Variants in PLD5 observed in about 807,000 individuals in gnomAD.
PLD5 encodes the protein phospholipase D family member 5.
Under a neutral mutation model 61.1 loss-of-function variants are expected in PLD5, and 36 were observed. That is an observed-to-expected ratio of 0.59 (90% CI 0.45 to 0.78). The LOEUF (loss-of-function observed/expected upper bound fraction) is 0.78, where lower values mean the gene tolerates loss of function less well. Among genes scored for constraint, PLD5 ranks in the 30% least tolerant of loss-of-function variants. PLD5 has a pLI of 0.00. For missense variants in PLD5, 515 were observed against 644.4 expected, an observed-to-expected ratio of 0.80 and a Z score of 2.17; for synonymous variants, 243 against 242.8, an observed-to-expected ratio of 1.00 and a Z score of -0.01.
At chr1:242,401,823 T>C (rs947842439) in intron 1 of PLD5, among the ~76,000 whole-genome samples, 3 of 152,196 alleles carry the variant, frequency 2.0e-5, no homozygotes, top group Non-Finnish European at 4.4e-5. Context: ...ATCCACTCCA[T>C]CCTCCTGCTG....
chr1:242,257,506 G>A (rs1167648460), intron 4 of PLD5, among the ~76,000 whole-genome samples: 1 of 152,176 alleles, frequency 6.6e-6, no homozygotes, highest in Non-Finnish European at 1.5e-5. Context: ...TTCTTTCTGT[G>A]GTTGTGTAAT....
intron 4 of PLD5, among the ~76,000 whole-genome samples, chr1:242,237,972 T>C (rs966842892): frequency 5.3e-5 from 8 of 152,252 alleles, no homozygotes; most frequent in African/African-American, 1.9e-4. Flanking sequence ...GTCTGAACCC[T>C]ACCTAGCTTT....
chr1:242,464,271 CA>C (rs1196880088), intron 1 of PLD5, among the ~76,000 whole-genome samples: 2 of 152,084 alleles, frequency 1.3e-5, no homozygotes, highest in African/African-American at 4.8e-5. Flanking sequence ...AAGTAAGTGC[CA>C]GTGGCTCCTA....
chr1:242,302,900 C>A (rs1355820011), intron 2 of PLD5, among the ~76,000 whole-genome samples: 1 of 152,082 alleles, frequency 6.6e-6, no homozygotes, highest in East Asian at 1.9e-4. Flanking sequence ...ATTTTTACCC[C>A]CTTACACTAT....
chr1:242,172,027 C>T (rs2164421), intron 5 of PLD5, among the ~76,000 whole-genome samples: 18,294 of 152,074 alleles, frequency 0.12, 1,575 homozygotes, highest in East Asian at 0.36. Context: ...TAACTCCAAG[C>T]GGACCTAATA....
intron 1 of PLD5, among the ~76,000 whole-genome samples, chr1:242,376,160 G>T (rs1298934551): frequency 2.0e-5 from 3 of 152,156 alleles, no homozygotes; most frequent in South Asian, 2.1e-4. Context: ...AGCCTTGCAG[G>T]TCTGCTGAGA....
chr1:242,528,722 A>G (rs921499808), upstream of PLD5, among the ~76,000 whole-genome samples: 3 of 152,204 alleles, frequency 2.0e-5, no homozygotes, highest in African/African-American at 4.8e-5. Context: ...AAGCTCATGG[A>G]GGTTAAATGA....
At chr1:242,513,938 G>A (rs1374588958) in intron 1 of PLD5, among the ~76,000 whole-genome samples, 1 of 152,102 alleles carries the variant, frequency 6.6e-6, no homozygotes, top group East Asian at 1.9e-4. Context: ...TCTTGCATCG[G>A]TGCCTCATTA....
At chr1:242,163,197 G>T (rs1666001236) in intron 5 of PLD5, among the ~76,000 whole-genome samples, 1 of 148,590 alleles carries the variant, frequency 6.7e-6, no homozygotes, top group Non-Finnish European at 1.5e-5. Context: ...AGGCTGGAGT[G>T]CAGTGGCGCG....
At chr1:242,213,153 A>T (rs1468871413) in intron 5 of PLD5, among the ~76,000 whole-genome samples, 1 of 152,134 alleles carries the variant, frequency 6.6e-6, no homozygotes, top group African/African-American at 2.4e-5. Flanking sequence ...ATTGTTATTG[A>T]CTTAAAAGAC....
At chr1:242,373,135 C>G (rs900413308) in intron 1 of PLD5, among the ~76,000 whole-genome samples, 1 of 151,934 alleles carries the variant, frequency 6.6e-6, no homozygotes, top group Non-Finnish European at 1.5e-5. Context: ...GGGCGAAGGA[C>G]AGTTTTTGAT....
At chr1:242,519,324 A>G (rs1192300137) in intron 1 of PLD5, among the ~76,000 whole-genome samples, 1 of 152,194 alleles carries the variant, frequency 6.6e-6, no homozygotes, top group African/African-American at 2.4e-5. Context: ...CCAGGAGGCA[A>G]GTGTGCACTT....
At chr1:242,200,131 T>TA (rs1438030970) in intron 5 of PLD5, among the ~76,000 whole-genome samples, 24 of 152,198 alleles carry the variant, frequency 1.6e-4, no homozygotes, top group Admixed American at 1.6e-3. Flanking sequence ...TCCTTTTTCC[T>TA]AAAGGGAAAG....
chr1:242,470,203 C>A (rs994908538), intron 1 of PLD5, among the ~76,000 whole-genome samples: 25 of 151,796 alleles, frequency 1.6e-4, no homozygotes, highest in Non-Finnish European at 2.5e-4. Flanking sequence ...ATTAGCCGGG[C>A]GTGGTGCGGG....
chr1:242,196,205 T>C (rs1668628093), intron 5 of PLD5, among the ~76,000 whole-genome samples: 1 of 152,216 alleles, frequency 6.6e-6, no homozygotes, highest in Non-Finnish European at 1.5e-5. Context: ...AATAAAACCT[T>C]TGAATTTTCA....
At chr1:242,111,551 T>C (rs1186687473) in intron 7 of PLD5, among the ~76,000 whole-genome samples, 3 of 152,174 alleles carry the variant, frequency 2.0e-5, no homozygotes, top group Non-Finnish European at 4.4e-5. Context: ...TGTTTGGCAA[T>C]GTATAGACTA....
rs189506276 is a variant in PLD5 at position 242,469,877 on chromosome 1, G to A, written c.189+54211C>T. Among the ~76,000 whole-genome samples, 10 of 152,218 alleles carry A rather than the reference G, an allele frequency of 6.6e-5. 1 individual carries two copies. The East Asian group carries it at 7.7e-4, about 12-fold the overall frequency. Reference sequence around the variant, plus strand: ...AAGAGCTGAAAACAGGACTCATAACGTCACAGTTGCTTCCCCAAAGCAAAA... The same window carrying A: ...AAGAGCTGAAAACAGGACTCATAACATCACAGTTGCTTCCCCAAAGCAAAA... On this transcript the variant is annotated intron_variant, in intron 1 of 9. Coordinates refer to ENST00000536534, the MANE Select transcript of PLD5 (RefSeq NM_001372062.1).
At chr1:242,392,811 T>G (rs1360002646) in intron 1 of PLD5, among the ~76,000 whole-genome samples, 1 of 152,174 alleles carries the variant, frequency 6.6e-6, no homozygotes. Flanking sequence ...TCCAGAAAGT[T>G]TGAAAACAGG....
At chr1:242,195,391 C>T (rs1028574718) in intron 5 of PLD5, among the ~76,000 whole-genome samples, 4 of 152,176 alleles carry the variant, frequency 2.6e-5, no homozygotes, top group Non-Finnish European at 5.9e-5. Flanking sequence ...CAAGACCTTA[C>T]CTACCTGCTC....
Sources: gnomAD v4.1 joint callset for allele counts (sites outside exome capture counted in the v4.1 genomes callset) on GRCh38, gnomAD v4.1.1 for gene constraint, MANE v1.5 for transcripts, NCBI Gene and HGNC (gene_info 2026-07-23, HGNC 2026-07-21) for gene names.